KLHL18: variants seen among roughly 807,000 people sequenced by gnomAD.
KLHL18 encodes the protein kelch like family member 18.
A neutral mutation model predicts 58.5 loss-of-function variants in KLHL18; 38 were observed. The observed-to-expected ratio is 0.65, with a 90% CI of 0.50 to 0.85. KLHL18 has a LOEUF of 0.85. KLHL18 is among the 40% of genes least tolerant of loss of function. The pLI is 0.00. For synonymous variants in KLHL18, 303 were observed against 301.9 expected (o/e 1.00, Z -0.04); for missense variants, 624 against 778.4 (o/e 0.80, Z 2.36).
intron 6 of KLHL18, among the ~76,000 whole-genome samples, chr3:47,335,406 G>A (rs997515542): frequency 1.3e-5 from 2 of 152,180 alleles, no homozygotes; most frequent in African/African-American, 4.8e-5. Flanking sequence ...TGGGTTATTG[G>A]CAGTTTTTGA....
At chr3:47,320,099 T>C (rs558807393) in intron 2 of KLHL18, among the ~76,000 whole-genome samples, 3 of 152,168 alleles carry the variant, frequency 2.0e-5, no homozygotes, top group African/African-American at 7.2e-5. Context: ...CTCTGCACTT[T>C]TCTGGGCTAG....
intron 1 of KLHL18, among the ~76,000 whole-genome samples, chr3:47,284,156 T>A (rs1702585150): frequency 6.6e-6 from 1 of 151,848 alleles, no homozygotes; most frequent in African/African-American, 2.4e-5. Flanking sequence ...CGCTTGAGCC[T>A]AGGAGGTCAA....
intron 1 of KLHL18, among the ~76,000 whole-genome samples, chr3:47,284,470 G>A (rs750083030): frequency 4.6e-5 from 7 of 151,504 alleles, no homozygotes; most frequent in Non-Finnish European, 1.0e-4. Flanking sequence ...CCAGCAGCTG[G>A]GACTACAGGC....
rs184715987 is a variant in KLHL18 at position 47,300,309 on chromosome 3, A to G, written c.129+17215A>G. ...ATTTTATATATATATATATATATAT[A>G]TGTGTGTATATATGTATATGTATAT... On this transcript the variant is annotated intron_variant, in intron 1 of 9. Coordinates refer to ENST00000232766, the MANE Select transcript of KLHL18 (RefSeq NM_025010.5). Among the ~76,000 whole-genome samples, 493 of 144,400 alleles carry G rather than the reference A, an allele frequency of 3.4e-3. 5 individuals carry two copies. The highest frequency in any genetic ancestry group is 0.012 in the African/African-American group (460 of 39,808). 94.7% of individuals were successfully genotyped at this position (144,400 alleles called of 152,430 possible). A position where few individuals can be genotyped will look rare whatever the true frequency, so the allele number is the denominator to read the frequency against.
chr3:47,292,130 G>T (rs948338089), intron 1 of KLHL18, among the ~76,000 whole-genome samples: 1 of 152,170 alleles, frequency 6.6e-6, no homozygotes, highest in African/African-American at 2.4e-5. Context: ...TAGGTGAACT[G>T]TAGTTCAAAT....
chr3:47,342,674 C>A, intron 8 of KLHL18, 45 bp from the exon 9 acceptor site: 1 of 1,529,450 alleles, frequency 6.5e-7, no homozygotes, highest in Non-Finnish European at 9.1e-7. Context: ...GGAACAAGAA[C>A]CCTGAATCTC....
chr3:47,342,404 A>G (rs1390117688), intron 8 of KLHL18, among the ~76,000 whole-genome samples: 1 of 152,230 alleles, frequency 6.6e-6, no homozygotes, highest in Non-Finnish European at 1.5e-5. Flanking sequence ...GAGCTTTATA[A>G]GTACAGCAGC....
At chr3:47,284,895 T>C (rs1281190800) in intron 1 of KLHL18, among the ~76,000 whole-genome samples, 1 of 152,010 alleles carries the variant, frequency 6.6e-6, no homozygotes, top group Non-Finnish European at 1.5e-5. Flanking sequence ...CTTGGCTCAC[T>C]GCAACCTCCA....
chr3:47,315,194 G>A (rs982694369), intron 1 of KLHL18, among the ~76,000 whole-genome samples: 3 of 152,126 alleles, frequency 2.0e-5, no homozygotes, highest in African/African-American at 4.8e-5. Context: ...AGTGCCTCCC[G>A]GGGGAGAAAC....
At chr3:47,325,428 A>G (rs1703693515) in intron 3 of KLHL18, among the ~76,000 whole-genome samples, 1 of 151,540 alleles carries the variant, frequency 6.6e-6, no homozygotes, top group African/African-American at 2.4e-5. Flanking sequence ...CGATCTCCTG[A>G]CCTTGTGATC....
chr3:47,323,337 A>G (rs1703632729), intron 3 of KLHL18, among the ~76,000 whole-genome samples: 1 of 152,048 alleles, frequency 6.6e-6, no homozygotes, highest in Non-Finnish European at 1.5e-5. Context: ...TGGTCTCCCA[A>G]AGTGCTTGGA....
chr3:47,318,110 C>T (rs1340165568), intron 1 of KLHL18, among the ~76,000 whole-genome samples: 1 of 152,232 alleles, frequency 6.6e-6, no homozygotes, highest in Non-Finnish European at 1.5e-5. Context: ...AGCAATCCAC[C>T]TTCCTTGGCC....
intron 1 of KLHL18, among the ~76,000 whole-genome samples, chr3:47,290,573 C>T (rs1702771398): frequency 6.6e-6 from 1 of 152,088 alleles, no homozygotes. Context: ...GCCATCCTCC[C>T]ACCTCAGCCT....
intron 1 of KLHL18, among the ~76,000 whole-genome samples, chr3:47,305,246 T>C (rs953604143): frequency 1.3e-5 from 2 of 151,638 alleles, no homozygotes; most frequent in Non-Finnish European, 2.9e-5. Context: ...AAGTTTTTTG[T>C]AGATGTTCTT....
intron 1 of KLHL18, among the ~76,000 whole-genome samples, chr3:47,283,839 C>T (rs2107562161): frequency 6.6e-6 from 1 of 152,344 alleles, no homozygotes; most frequent in South Asian, 2.1e-4. Flanking sequence ...GCTGCCTGGC[C>T]AAGCCACCGA....
chr3:47,335,363 C>T (rs1001383159), intron 6 of KLHL18, among the ~76,000 whole-genome samples: 1 of 152,138 alleles, frequency 6.6e-6, no homozygotes, highest in Non-Finnish European at 1.5e-5. Context: ...TCAGCCCCAC[C>T]CCCTGTGAAA....
rs150189381 is a variant in KLHL18, at chr3:47,302,568, A to G, written c.130-17085A>G. 4.3e-3 allele frequency among the ~76,000 whole-genome samples: 654 copies of G among 152,334 alleles called. 2 individuals carry two copies. The highest frequency in any genetic ancestry group is 6.7e-3 in the Non-Finnish European group (459 of 68,034). On this transcript the variant is annotated intron_variant, in intron 1 of 9. Transcript: ENST00000232766. ...GAAGTGGATCATCATAAAGGCCTTC[A>G]TCACCATCATCATCTTCACATTGAG... is the stretch of plus-strand genomic sequence containing the variant.
At chr3:47,290,088 T>C (rs866384517) in intron 1 of KLHL18, among the ~76,000 whole-genome samples, 10 of 152,232 alleles carry the variant, frequency 6.6e-5, no homozygotes, top group South Asian at 2.1e-4. Context: ...GATTTGCCCA[T>C]GGCACAAAGC....
At chr3:47,292,497 A>G (rs1167769718) in intron 1 of KLHL18, among the ~76,000 whole-genome samples, 3 of 152,136 alleles carry the variant, frequency 2.0e-5, no homozygotes, top group South Asian at 4.1e-4. Flanking sequence ...GCTTTCAAAA[A>G]ATAAGCTCAA....
Sources: allele counts gnomAD v4.1 joint callset (sites outside exome capture counted in the v4.1 genomes callset), GRCh38; gene constraint gnomAD v4.1.1; transcripts MANE v1.5; gene names NCBI Gene and HGNC (gene_info 2026-07-23, HGNC 2026-07-21).